HPCAL1: variants seen among roughly 807,000 people sequenced by gnomAD.
HPCAL1 encodes hippocalcin-like protein 1.
A neutral mutation model predicts 17.1 loss-of-function variants in HPCAL1; 8 were observed. That is an observed-to-expected ratio of 0.47 (90% confidence interval 0.27 to 0.84). The LOEUF (loss-of-function observed/expected upper bound fraction) is 0.84, where lower values mean the gene tolerates loss of function less well. HPCAL1 is among the 40% of genes least tolerant of loss of function. The probability of loss-of-function intolerance (pLI) is 0.13; values close to 1 mark genes in which losing one functional copy is unlikely to be tolerated. For synonymous variants in HPCAL1, 112 were observed against 111.4 expected (o/e 1.01, Z -0.03); for missense variants, 165 against 271.1 (o/e 0.61, Z 2.75).
At chr2:10,378,935 C>T (rs956339604) in intron 1 of HPCAL1, among the ~76,000 whole-genome samples, 6 of 152,290 alleles carry the variant, frequency 3.9e-5, no homozygotes, top group East Asian at 1.9e-4. Context: ...TACAGCGAGG[C>T]GGACAGACTC....
intron 1 of HPCAL1, among the ~76,000 whole-genome samples, chr2:10,350,319 C>CTTT (rs34432791): frequency 1.1e-3 from 143 of 130,218 alleles, no homozygotes; most frequent in Middle Eastern, 3.8e-3. Flanking sequence ...AATCTATGTC[C>CTTT]TTTTTTTTTT....
At chr2:10,345,169 A>T (rs546721657) in intron 1 of HPCAL1, among the ~76,000 whole-genome samples, 5 of 140,442 alleles carry the variant, frequency 3.6e-5, no homozygotes, top group African/African-American at 1.3e-4. Flanking sequence ...CTCTGTTTCA[A>T]TCTCTCTATC....
chr2:10,400,125 G>A (rs4668683), intron 2 of HPCAL1, among the ~76,000 whole-genome samples: 3 of 152,190 alleles, frequency 2.0e-5, no homozygotes, highest in Non-Finnish European at 4.4e-5. Context: ...AGGGACGGGC[G>A]TGCTTCTAGC....
intron 1 of HPCAL1, among the ~76,000 whole-genome samples, chr2:10,348,674 G>A (rs1460890067): frequency 1.3e-5 from 2 of 151,964 alleles, no homozygotes; most frequent in African/African-American, 4.8e-5. Context: ...AGCTACTTGG[G>A]AGGCTGAGGT....
At chr2:10,332,964 G>T (rs992675993) in intron 1 of HPCAL1, among the ~76,000 whole-genome samples, 1 of 151,650 alleles carries the variant, frequency 6.6e-6, no homozygotes, top group Non-Finnish European at 1.5e-5. Flanking sequence ...TTGATCTTGG[G>T]GTGAGGGGTG....
chr2:10,308,385 C>T (rs1486556178), intron 1 of HPCAL1, among the ~76,000 whole-genome samples: 2 of 152,162 alleles, frequency 1.3e-5, no homozygotes, highest in Admixed American at 6.5e-5. Context: ...ACATATCCAT[C>T]ACCCCAGAAA....
At chr2:10,399,267 A>ACCACCACCATCACCG (rs1669310053) in intron 2 of HPCAL1, among the ~76,000 whole-genome samples, 1 of 145,138 alleles carries the variant, frequency 6.9e-6, no homozygotes, top group Admixed American at 6.8e-5. Flanking sequence ...CACCATCACC[A>ACCACCACCATCACCG]CCACCACCAC....
Position 10,312,816 on chromosome 2 carries a change from T to C in HPCAL1, c.-111+9639T>C, listed in dbSNP as rs558476184. Among the ~76,000 whole-genome samples the C allele has an allele frequency of 6.3e-4, 95 of 151,846 alleles. 1 individual carries two copies. Among genetic ancestry groups the C allele is most frequent in the African/African-American group, 2.2e-3 (91 of 41,344 alleles). On this transcript the variant is annotated intron_variant, in intron 1 of 4. Coordinates refer to ENST00000307845, the MANE Select transcript of HPCAL1 (RefSeq NM_002149.4). ...GTCACCATCGTCACCATCACCGTCATCATCACCATTCATCATCACTGTCAT... is the reference window on the plus strand; with the variant it reads ...GTCACCATCGTCACCATCACCGTCACCATCACCATTCATCATCACTGTCAT...
rs923555023 is a variant in HPCAL1, at chr2:10,426,594, G to A, written c.485-130G>A. The A allele has an allele frequency of 7.9e-5, 59 of 748,690 alleles. 1 individual carries two copies. Among genetic ancestry groups the A allele is most frequent in the African/African-American group, 5.2e-5 (3 of 57,742 alleles). 46.4% of individuals were successfully genotyped at this position (748,690 alleles called of 1,614,324 possible). A position where few individuals can be genotyped will look rare whatever the true frequency, so the allele number is the denominator to read the frequency against. ...GTAAAGTGAATGGAGACTAGACACC[G>A]TCCAGCTTCAAGAAGGCTCAGGACT... On this transcript the variant is annotated intron_variant, in intron 4 of 4. Transcript: ENST00000307845.
At chr2:10,334,695 C>G (rs575306947) in intron 1 of HPCAL1, among the ~76,000 whole-genome samples, 2 of 146,430 alleles carry the variant, frequency 1.4e-5, no homozygotes, top group East Asian at 3.9e-4. Context: ...ATTCCATTGA[C>G]TTTTTTTTGA....
intron 2 of HPCAL1, among the ~76,000 whole-genome samples, chr2:10,416,645 G>GT (rs948755284): frequency 1.6e-4 from 24 of 151,462 alleles, no homozygotes; most frequent in African/African-American, 4.8e-4. Flanking sequence ...CATCTTTGTT[G>GT]TTTTTTCTCT....
rs1223641714 is a variant in HPCAL1, at chr2:10,310,537, C to G, written c.-111+7360C>G. On this transcript the variant is annotated intron_variant, in intron 1 of 4. Transcript: ENST00000307845. This position sits in a 1 kb window ranked among gnomAD's most constrained non-coding sequence, Gnocchi z 4.5. ...TTACTGCTTGGAGTTTGGGGAGCTG[C>G]CATTTTGGATTGTCCTAGCCTCATG... Among the ~76,000 whole-genome samples, 1 of 152,094 alleles carries G rather than the reference C, an allele frequency of 6.6e-6. No homozygotes were observed. The highest frequency in any genetic ancestry group is 2.4e-5 in the African/African-American group (1 of 41,402).
intron 1 of HPCAL1, among the ~76,000 whole-genome samples, chr2:10,320,549 C>G (rs1448000680): frequency 1.3e-5 from 2 of 152,198 alleles, no homozygotes; most frequent in Non-Finnish European, 2.9e-5. Context: ...AACCGTGAGC[C>G]AATTAAACCT....
Position 10,342,915 on chromosome 2 carries a change from T to C in HPCAL1, c.-111+39738T>C, listed in dbSNP as rs1209580011. Among the ~76,000 whole-genome samples the C allele has an allele frequency of 6.6e-6, 1 of 152,202 alleles. No individual in the cohort carries two copies. The highest frequency in any genetic ancestry group is 1.5e-5 in the Non-Finnish European group (1 of 68,034). On this transcript the variant is annotated intron_variant, in intron 1 of 4. Coordinates refer to ENST00000307845, the MANE Select transcript of HPCAL1 (RefSeq NM_002149.4). The surrounding 1 kb of genome is among the most constrained non-coding windows in gnomAD (Gnocchi z 4.1). ...CCCGCTGCCTTCCCCCGGCCCCTTT[T>C]TGGACAGGATGTTGCTCCCTGGGGC...
At chr2:10,399,373 CCACCACCACCACCACCACCACCAT>C in intron 2 of HPCAL1, among the ~76,000 whole-genome samples, 1 of 43,712 alleles carries the variant, frequency 2.3e-5, no homozygotes, top group Non-Finnish European at 4.9e-5. Flanking sequence ...ACCATCATCA[CCACCACCACCACCACCACCACCAT>C]CACCACCACC....
rs1274098358 is a variant in HPCAL1 at position 10,365,716 on chromosome 2, C to A, written c.-110-31119C>A. Among the ~76,000 whole-genome samples, 1 of 152,174 alleles carries A rather than the reference C, an allele frequency of 6.6e-6. No homozygotes were observed. The highest frequency in any genetic ancestry group is 1.5e-5 in the Non-Finnish European group (1 of 68,034). ...CCCTCCTTCAGGCTCCCTACACCCA[C>A]CTGAGTGGGCCTTTCTGTGTTCACT... On this transcript the variant is annotated intron_variant, in intron 1 of 4. Coordinates refer to ENST00000307845, the MANE Select transcript of HPCAL1 (RefSeq NM_002149.4). The surrounding 1 kb of genome is among the most constrained non-coding windows in gnomAD (Gnocchi z 4.8).
At chr2:10,320,477 C>T (rs1469774342) in intron 1 of HPCAL1, among the ~76,000 whole-genome samples, 1 of 152,212 alleles carries the variant, frequency 6.6e-6, no homozygotes, top group Non-Finnish European at 1.5e-5. Context: ...CCTGCTGTCC[C>T]TTCTGACGTG....
At chr2:10,316,854 C>T (rs937964757) in intron 1 of HPCAL1, among the ~76,000 whole-genome samples, 14 of 152,090 alleles carry the variant, frequency 9.2e-5, no homozygotes, top group Non-Finnish European at 1.5e-5. Context: ...TATTTATGGT[C>T]TGGAGAAGAA....
At chr2:10,325,424 C>T (rs188751481) in intron 1 of HPCAL1, among the ~76,000 whole-genome samples, 9 of 152,348 alleles carry the variant, frequency 5.9e-5, no homozygotes, top group African/African-American at 1.7e-4. Flanking sequence ...GGTGATTTGT[C>T]CCTAGTCTCA....
Sources: gnomAD v4.1 joint callset for allele counts (sites outside exome capture counted in the v4.1 genomes callset) on GRCh38, gnomAD v4.1.1 for gene constraint, Gnocchi (gnomAD v3.1) non-coding constraint, MANE v1.5 for transcripts, NCBI Gene and HGNC (gene_info 2026-07-23, HGNC 2026-07-21) for gene names.